PIP4P2: variants seen among roughly 807,000 people sequenced by gnomAD.
The protein encoded by PIP4P2 is phosphatidylinositol-4,5-bisphosphate 4-phosphatase 2.
In PIP4P2, 19 loss-of-function variants were observed where a neutral mutation model predicts 33.3. That is an observed-to-expected ratio of 0.57 (90% CI 0.40 to 0.84). The LOEUF (loss-of-function observed/expected upper bound fraction) is 0.84, where lower values mean the gene tolerates loss of function less well. PIP4P2 is among the 40% of genes least tolerant of loss of function. The pLI is 0.00. For missense variants in PIP4P2, 270 were observed against 324.7 expected, an observed-to-expected ratio of 0.83 and a Z score of 1.29; for synonymous variants, 110 against 111.9, an observed-to-expected ratio of 0.98 and a Z score of 0.11.
chr8:91,011,208 C>T (rs577013463), intron 4 of PIP4P2, among the ~76,000 whole-genome samples: 1 of 152,088 alleles, frequency 6.6e-6, no homozygotes, highest in African/African-American at 2.4e-5. Flanking sequence ...AATTGGCCCA[C>T]TTCAGGGCAA....
At chr8:91,008,519 T>C (rs1261879811) in intron 5 of PIP4P2, among the ~76,000 whole-genome samples, 1 of 152,204 alleles carries the variant, frequency 6.6e-6, no homozygotes, top group Admixed American at 6.5e-5. Flanking sequence ...ATAATAGAAA[T>C]TGATTTCCCT....
intron 3 of PIP4P2, among the ~76,000 whole-genome samples, chr8:91,019,074 G>GA (rs938171147): frequency 1.8e-4 from 28 of 151,622 alleles, no homozygotes; most frequent in African/African-American, 6.0e-4. Flanking sequence ...AGAGATCACA[G>GA]AAAAAAAACA....
intron 1 of PIP4P2, among the ~76,000 whole-genome samples, chr8:91,021,817 C>T (rs1812012196): frequency 1.3e-5 from 2 of 152,100 alleles, no homozygotes; most frequent in African/African-American, 4.8e-5. Flanking sequence ...TTTAAAATTG[C>T]TTATCCATAC....
chr8:91,020,792 T>C (rs750486773), intron 2 of PIP4P2, among the ~76,000 whole-genome samples: 3 of 152,140 alleles, frequency 2.0e-5, no homozygotes, highest in Non-Finnish European at 4.4e-5. Context: ...CAGATGCTAA[T>C]AATAAATGCA....
At chr8:91,008,473 C>T (rs1811790375) in intron 5 of PIP4P2, among the ~76,000 whole-genome samples, 1 of 152,046 alleles carries the variant, frequency 6.6e-6, no homozygotes, top group Non-Finnish European at 1.5e-5. Flanking sequence ...ATATCCTAAC[C>T]AGGTTACTGA....
intron 1 of PIP4P2, among the ~76,000 whole-genome samples, chr8:91,034,643 G>C (rs1261020715): frequency 6.6e-6 from 1 of 152,188 alleles, no homozygotes. Context: ...TCAGGAAGCT[G>C]CTCTCAAATA....
At chr8:91,023,161 C>G (rs1325700737) in intron 1 of PIP4P2, among the ~76,000 whole-genome samples, 1 of 151,346 alleles carries the variant, frequency 6.6e-6, no homozygotes, top group African/African-American at 2.4e-5. Flanking sequence ...ACTAGAAATT[C>G]AAGACACACT....
At position 90,994,430 on chromosome 8, in the gene PIP4P2, T is replaced by C. The variant is rs1035264373; in HGVS notation, c.*1247A>G. The stretch of plus-strand genomic sequence containing the variant: ...ATACTAATCAGTATCATAAATAATT[T>C]AAAATATTAGTCTTATCTCTGGAAT... On this transcript the variant is annotated 3_prime_UTR_variant, in exon 7 of 7. Transcript: ENST00000285419. The C allele has an allele frequency of 2.6e-5, 4 of 152,406 alleles. No homozygotes were observed. The highest frequency in any genetic ancestry group is 6.5e-5 in the Admixed American group (1 of 15,302). 9.4% of individuals were successfully genotyped at this position (152,406 alleles called of 1,614,324 possible).
chr8:91,017,761 T>G (rs567433213), intron 4 of PIP4P2, among the ~76,000 whole-genome samples: 1 of 152,294 alleles, frequency 6.6e-6, no homozygotes, highest in East Asian at 1.9e-4. Flanking sequence ...AAAGAAAACC[T>G]GTCCTTATCC....
At chr8:90,999,005 A>C (rs1275937737) in intron 5 of PIP4P2, among the ~76,000 whole-genome samples, 4 of 152,272 alleles carry the variant, frequency 2.6e-5, no homozygotes, top group African/African-American at 9.6e-5. Flanking sequence ...AATGGGAGAA[A>C]AATTTTGCAA....
intron 3 of PIP4P2, among the ~76,000 whole-genome samples, chr8:91,018,894 G>C (rs775064195): frequency 6.6e-6 from 1 of 152,126 alleles, no homozygotes. Flanking sequence ...GTGCCATGAA[G>C]GCACCGAAGG....
At chr8:90,995,856 A>T in intron 6 of PIP4P2, 36 bp from the exon 7 acceptor site, 2 of 1,564,118 alleles carry the variant, frequency 1.3e-6, no homozygotes, top group Non-Finnish European at 8.6e-7. Context: ...AAAATATTAG[A>T]AACTTTAAAA....
intron 5 of PIP4P2, among the ~76,000 whole-genome samples, chr8:91,002,399 T>G (rs1176082423): frequency 1.3e-5 from 2 of 152,190 alleles, no homozygotes; most frequent in Non-Finnish European, 2.9e-5. Flanking sequence ...ACTCTTCAAA[T>G]TATTAATCTT....
intron 5 of PIP4P2, among the ~76,000 whole-genome samples, chr8:90,998,779 A>T (rs1404160255): frequency 6.6e-6 from 1 of 152,062 alleles, no homozygotes; most frequent in Non-Finnish European, 1.5e-5. Context: ...TGGATTAAAG[A>T]CTTAAATGTA....
chr8:91,009,046 T>C (rs567148581), intron 4 of PIP4P2, among the ~76,000 whole-genome samples: 2 of 152,248 alleles, frequency 1.3e-5, no homozygotes, highest in African/African-American at 4.8e-5. Flanking sequence ...ACATGAATAC[T>C]GAATGTAATA....
At chr8:91,009,736 C>G (rs1484621773) in intron 4 of PIP4P2, among the ~76,000 whole-genome samples, 1 of 151,728 alleles carries the variant, frequency 6.6e-6, no homozygotes, top group Non-Finnish European at 1.5e-5. Flanking sequence ...TAGAAGATAC[C>G]TTTTAGAAAA....
intron 3 of PIP4P2, among the ~76,000 whole-genome samples, chr8:91,018,884 G>A (rs543570492): frequency 2.0e-5 from 3 of 152,226 alleles, no homozygotes; most frequent in African/African-American, 7.2e-5. Flanking sequence ...AAAAATCTCT[G>A]TGCCATGAAG....
intron 5 of PIP4P2, among the ~76,000 whole-genome samples, chr8:90,998,997 T>C (rs1387570856): frequency 6.6e-6 from 1 of 151,922 alleles, no homozygotes; most frequent in Non-Finnish European, 1.5e-5. Context: ...ACCTACAGAA[T>C]GGGAGAAAAA....
chr8:91,018,149 T>C (rs532424045), intron 4 of PIP4P2, among the ~76,000 whole-genome samples: 2 of 152,322 alleles, frequency 1.3e-5, no homozygotes, highest in African/African-American at 2.4e-5. Context: ...CGATTTCTCA[T>C]TGGCCTACAT....
Sources: allele counts gnomAD v4.1 joint callset (sites outside exome capture counted in the v4.1 genomes callset), GRCh38; gene constraint gnomAD v4.1.1; transcripts MANE v1.5; gene names NCBI Gene and HGNC (gene_info 2026-07-23, HGNC 2026-07-21).